Variants in TRPC1 observed in about 807,000 individuals in gnomAD.
TRPC1 encodes the protein transient receptor potential cation channel subfamily C member 1.
TRPC1 carries 42 observed loss-of-function variants against 88.2 expected under a neutral mutation model. The observed-to-expected ratio is 0.48, with a 90% CI of 0.37 to 0.62. The LOEUF is 0.62. TRPC1 is among the 20% of genes least tolerant of loss of function. The probability of loss-of-function intolerance (pLI) is 0.00; values close to 1 mark genes in which losing one functional copy is unlikely to be tolerated. For missense variants in TRPC1, 699 were observed against 957.3 expected (o/e 0.73, Z 3.56); for synonymous variants, 288 against 331.8 (o/e 0.87, Z 1.43).
intron 6 of TRPC1, among the ~76,000 whole-genome samples, 160 bp from the exon 7 acceptor site, chr3:142,784,544 A>G (rs546247153): frequency 7.0e-4 from 107 of 152,334 alleles, no homozygotes; most frequent in Non-Finnish European, 1.1e-3. Flanking sequence ...TAACCTCTAC[A>G]TGCTTTTATT....
At chr3:142,797,700 T>G (rs1478713868) in intron 9 of TRPC1, among the ~76,000 whole-genome samples, 2 of 152,134 alleles carry the variant, frequency 1.3e-5, no homozygotes, top group African/African-American at 4.8e-5. Context: ...GAGGATTAAA[T>G]GGGTCAGTGT....
chr3:142,798,749 T>A (rs1936525351), intron 9 of TRPC1, among the ~76,000 whole-genome samples: 1 of 152,196 alleles, frequency 6.6e-6, no homozygotes, highest in Non-Finnish European at 1.5e-5. Flanking sequence ...CCTGGGTGAC[T>A]TGTTTAGATA....
At chr3:142,805,171 T>C (rs534021028) in intron 12 of TRPC1, among the ~76,000 whole-genome samples, 69 of 142,980 alleles carry the variant, frequency 4.8e-4, no homozygotes, top group South Asian at 3.0e-3. Context: ...CACACACACA[T>C]ATAATTATTA....
At chr3:142,798,455 T>G (rs1258063329) in intron 9 of TRPC1, among the ~76,000 whole-genome samples, 2 of 152,170 alleles carry the variant, frequency 1.3e-5, no homozygotes, top group African/African-American at 4.8e-5. Flanking sequence ...GAAGCATGAC[T>G]GAGGAAGTAG....
At chr3:142,730,596 G>A (rs904066855) in intron 1 of TRPC1, among the ~76,000 whole-genome samples, 5 of 143,086 alleles carry the variant, frequency 3.5e-5, no homozygotes, top group Non-Finnish European at 6.0e-5. Context: ...ACTGTAAAAA[G>A]TCTGCATGGG....
chr3:142,762,504 C>T (rs1935221584), intron 4 of TRPC1, among the ~76,000 whole-genome samples: 1 of 149,056 alleles, frequency 6.7e-6, no homozygotes. Context: ...ATCTCGGCCA[C>T]TGCAACCTCC....
At chr3:142,766,119 T>C (rs548613092) in intron 4 of TRPC1, among the ~76,000 whole-genome samples, 1 of 152,296 alleles carries the variant, frequency 6.6e-6, no homozygotes, top group African/African-American at 2.4e-5. Context: ...AACTCTGTAC[T>C]GATTACTATC....
chr3:142,757,356 C>T (rs113137740), intron 4 of TRPC1, among the ~76,000 whole-genome samples: 3 of 151,578 alleles, frequency 2.0e-5, no homozygotes, highest in African/African-American at 4.9e-5. Flanking sequence ...CACATGCACA[C>T]ATGTTTATTG....
intron 4 of TRPC1, among the ~76,000 whole-genome samples, chr3:142,762,688 CA>C (rs1935229255): frequency 6.6e-6 from 1 of 152,016 alleles, no homozygotes; most frequent in African/African-American, 2.4e-5. Context: ...CGTGGCCTCC[CA>C]AAGTGCTGGG....
chr3:142,732,257 C>CTA (rs1484233092), intron 1 of TRPC1, among the ~76,000 whole-genome samples: 1 of 152,048 alleles, frequency 6.6e-6, no homozygotes, highest in Non-Finnish European at 1.5e-5. Context: ...AGTTAGGCTC[C>CTA]TACCCTCCCT....
chr3:142,787,513 T>G (rs897393350), intron 7 of TRPC1, among the ~76,000 whole-genome samples: 1 of 152,202 alleles, frequency 6.6e-6, no homozygotes, highest in Non-Finnish European at 1.5e-5. Context: ...AATAATTTGT[T>G]GAGGAATGCA....
chr3:142,768,682 TTTTC>T (rs1186661825), intron 4 of TRPC1, among the ~76,000 whole-genome samples: 1 of 152,102 alleles, frequency 6.6e-6, no homozygotes, highest in Non-Finnish European at 1.5e-5. Context: ...TCCTTTGCTG[TTTTC>T]TTTGTGTTAA....
intron 4 of TRPC1, among the ~76,000 whole-genome samples, chr3:142,765,967 A>G (rs1935370836): frequency 6.6e-6 from 1 of 152,174 alleles, no homozygotes; most frequent in African/African-American, 2.4e-5. Context: ...ATCACTGATC[A>G]TTAGGGAAAT....
intron 1 of TRPC1, among the ~76,000 whole-genome samples, chr3:142,735,745 A>G (rs1934109199): frequency 6.6e-6 from 1 of 152,054 alleles, no homozygotes; most frequent in South Asian, 2.1e-4. Flanking sequence ...TTCCCTGGCC[A>G]TTTAATCTAA....
chr3:142,724,742 G>C lies in TRPC1; in HGVS notation c.172+11G>C. 2 of 1,558,414 alleles carry C rather than the reference G, an allele frequency of 1.3e-6. No homozygotes were observed. The highest frequency in any genetic ancestry group is 1.7e-6 in the Non-Finnish European group (2 of 1,146,516). ...TGGCGTGCGACAAGGGTGAGAGTTA[G>C]GCCCCTTTCTCCTCTGGACGCCCCT... On this transcript the variant is annotated intron_variant, in intron 1 of 12. Coordinates refer to ENST00000476941, the MANE Select transcript of TRPC1 (RefSeq NM_001251845.2). The surrounding 1 kb of genome is among the most constrained non-coding windows in gnomAD (Gnocchi z 5.6).
intron 4 of TRPC1, among the ~76,000 whole-genome samples, chr3:142,753,562 C>T (rs13081255): frequency 0.17 from 25,224 of 151,198 alleles, 2,286 homozygotes; most frequent in Middle Eastern, 0.26. Flanking sequence ...GTCAAGAGTT[C>T]GAGACCAGCC....
chr3:142,765,146 C>G (rs9826191), intron 4 of TRPC1, among the ~76,000 whole-genome samples: 4,515 of 152,022 alleles, frequency 0.03, 237 homozygotes, highest in African/African-American at 0.1. Flanking sequence ...ATGAGAACTA[C>G]AAAACATTAC....
intron 4 of TRPC1, among the ~76,000 whole-genome samples, chr3:142,770,138 C>T (rs1378334115): frequency 7.3e-6 from 1 of 136,150 alleles, no homozygotes; most frequent in Non-Finnish European, 1.5e-5. Flanking sequence ...CACTCTGTCA[C>T]CCAGGCTGGA....
chr3:142,736,302 A>G (rs1339419994), intron 1 of TRPC1, 77 bp from the exon 2 acceptor site: 1 of 1,144,810 alleles, frequency 8.7e-7, no homozygotes, highest in Non-Finnish European at 1.2e-6. Context: ...TTAATTCAAC[A>G]AGCTAAGTTT....
Sources: allele counts gnomAD v4.1 joint callset (sites outside exome capture counted in the v4.1 genomes callset), GRCh38; gene constraint gnomAD v4.1.1; non-coding constraint Gnocchi (gnomAD v3.1); transcripts MANE v1.5; gene names NCBI Gene and HGNC (gene_info 2026-07-23, HGNC 2026-07-21).